Variants in PHACTR2 observed in about 807,000 individuals in gnomAD.
The protein encoded by PHACTR2 is phosphatase and actin regulator 2, also known as chromosome 6 open reading frame 56.
Under a neutral mutation model 76.0 loss-of-function variants are expected in PHACTR2, and 30 were observed. The ratio of observed to expected loss-of-function variants is 0.39; its 90% confidence interval spans 0.30 to 0.54. The LOEUF is 0.54. PHACTR2 is among the 20% of genes least tolerant of loss of function. PHACTR2 has a pLI of 0.61. For missense variants in PHACTR2, 696 were observed against 781.1 expected, an observed-to-expected ratio of 0.89 and a Z score of 1.30; for synonymous variants, 292 against 292.5, an observed-to-expected ratio of 1.00 and a Z score of 0.02.
rs1036270014 is a variant in PHACTR2, at chr6:143,688,386, A to G, written c.46+10177A>G. On this transcript the variant is annotated intron_variant, in intron 1 of 12. Coordinates refer to ENST00000440869, the MANE Select transcript of PHACTR2 (RefSeq NM_001100164.2). The surrounding 1 kb of genome is among the most constrained non-coding windows in gnomAD (Gnocchi z 5.2). ...GGAGTAGGGTCTCACCCAACTCTCA[A>G]CTCCCAGAGTTACCCAGTTTGTGTC... 5.9e-5 allele frequency among the ~76,000 whole-genome samples: 9 copies of G among 151,892 alleles called. No individual in the cohort carries two copies. Among genetic ancestry groups the G allele is most frequent in the African/African-American group, 2.2e-4 (9 of 41,356 alleles).
At chr6:143,563,485 G>T (rs1403805330) in intron 1 of PHACTR2, among the ~76,000 whole-genome samples, 1 of 146,760 alleles carries the variant, frequency 6.8e-6, no homozygotes, top group Non-Finnish European at 1.5e-5. Flanking sequence ...GAACCCGGGA[G>T]GTGGAGATTG....
rs188667507 is a variant in PHACTR2 at position 143,580,668 on chromosome 6, G to A, written c.217+43461G>A. 1.4e-4 allele frequency among the ~76,000 whole-genome samples: 21 copies of A among 152,198 alleles called. No homozygotes were observed. The highest frequency in any genetic ancestry group is 3.9e-4 in the East Asian group (2 of 5,184). ...AGCCTGGGTGACAGAGCAAGACTCCGTCTCAAAAAATAAAATAAAATAAAA... is the reference window on the plus strand; with the variant it reads ...AGCCTGGGTGACAGAGCAAGACTCCATCTCAAAAAATAAAATAAAATAAAA... On this transcript the variant is annotated intron_variant, in intron 1 of 11. Coordinates refer to the PHACTR2 transcript ENST00000367584. This position sits in a 1 kb window ranked among gnomAD's most constrained non-coding sequence, Gnocchi z 4.2.
At position 143,797,963 on chromosome 6, in the gene PHACTR2, C is replaced by A. The variant is rs183212908; in HGVS notation, c.1845+9053C>A. The stretch of plus-strand genomic sequence containing the variant: ...GTCAGTGGTAGCTGGATGGGGATAG[C>A]ATTGAATCTGTAAATTACTTTGGGC... On this transcript the variant is annotated intron_variant, in intron 11 of 12. Coordinates refer to ENST00000440869, the MANE Select transcript of PHACTR2 (RefSeq NM_001100164.2). Among the ~76,000 whole-genome samples, 245 of 152,318 alleles carry A rather than the reference C, an allele frequency of 1.6e-3. 1 individual carries two copies. Among genetic ancestry groups the A allele is most frequent in the Middle Eastern group, 3.4e-3 (1 of 294 alleles).
intron 1 of PHACTR2, among the ~76,000 whole-genome samples, chr6:143,693,358 C>T (rs183284104): frequency 6.2e-4 from 94 of 152,292 alleles, no homozygotes; most frequent in African/African-American, 1.9e-3. Flanking sequence ...CTGCCTCAGC[C>T]TCCCAAGTAG....
In PHACTR2 at chr6:143,742,105, CAAA is replaced by C. The variant is rs577806236; in HGVS notation, c.215-6870_215-6868del. ...GGGTGACAAGAGTGAAACTCCATCTCAAAAAAAAAAAACAACAACATTTATTTG... is the reference window on the plus strand; with the variant it reads ...GGGTGACAAGAGTGAAACTCCATCTCAAAAAAAAACAACAACATTTATTTG... On this transcript the variant is annotated intron_variant, in intron 2 of 12. Coordinates refer to ENST00000440869, the MANE Select transcript of PHACTR2 (RefSeq NM_001100164.2). This position sits in a 1 kb window ranked among gnomAD's most constrained non-coding sequence, Gnocchi z 4.5. Among the ~76,000 whole-genome samples the C allele has an allele frequency of 7.5e-6, 1 of 133,210 alleles. No individual in the cohort carries two copies. Among genetic ancestry groups the C allele is most frequent in the Admixed American group, 7.6e-5 (1 of 13,234 alleles). The allele number at this position is 133,210 out of a possible 152,430, so 87.4% of individuals were successfully genotyped here. A position where few individuals can be genotyped will look rare whatever the true frequency, so the allele number is the denominator to read the frequency against.
intron 12 of PHACTR2, among the ~76,000 whole-genome samples, chr6:143,808,811 A>G (rs1188665228): frequency 6.6e-6 from 1 of 152,198 alleles, no homozygotes; most frequent in Non-Finnish European, 1.5e-5. Flanking sequence ...TTATTCTATC[A>G]TAATCTACTC....
chr6:143,566,911 A>C (rs2128430923), intron 1 of PHACTR2, among the ~76,000 whole-genome samples: 1 of 151,984 alleles, frequency 6.6e-6, no homozygotes, highest in South Asian at 2.1e-4. Context: ...GTCAGCATTC[A>C]AATTTCCCCC....
Position 143,557,595 on chromosome 6 carries a change from A to T in PHACTR2, c.217+20388A>T, listed in dbSNP as rs1053010085. The T allele has an allele frequency of 1.3e-5, 2 of 152,278 alleles. No homozygotes were observed. The highest frequency in any genetic ancestry group is 4.8e-5 in the African/African-American group (2 of 41,450). 9.4% of individuals were successfully genotyped at this position (152,278 alleles called of 1,614,324 possible). The stretch of plus-strand genomic sequence containing the variant: ...CGATTTTTCGAGAACTGACCGGACC[A>T]TGTGGACCTGGTCCAGCTCTTCCAG... On this transcript the variant is annotated intron_variant, in intron 1 of 11. Coordinates refer to the PHACTR2 transcript ENST00000367584. The surrounding 1 kb of genome is among the most constrained non-coding windows in gnomAD (Gnocchi z 5.5).
rs1233403897 is a variant in PHACTR2 at position 143,548,304 on chromosome 6, A to C, written c.217+11097A>C. Reference sequence around the variant, plus strand: ...TTACCTCCCAAAGACTCCACCTCATAATACCATCATGTTAGGGGATAGGGT... The same window carrying C: ...TTACCTCCCAAAGACTCCACCTCATCATACCATCATGTTAGGGGATAGGGT... On this transcript the variant is annotated intron_variant, in intron 1 of 11. Coordinates refer to the PHACTR2 transcript ENST00000367584. The surrounding 1 kb of genome is among the most constrained non-coding windows in gnomAD (Gnocchi z 4.5). Among the ~76,000 whole-genome samples the C allele has an allele frequency of 6.6e-6, 1 of 152,088 alleles. No individual in the cohort carries two copies. Among genetic ancestry groups the C allele is most frequent in the Non-Finnish European group, 1.5e-5 (1 of 67,984 alleles).
chr6:143,588,732 C>A (rs575769328), intron 1 of PHACTR2, among the ~76,000 whole-genome samples: 6 of 151,866 alleles, frequency 4.0e-5, no homozygotes, highest in Admixed American at 1.3e-4. Flanking sequence ...GAGAAGAAAG[C>A]ACAAAAAACA....
intron 1 of PHACTR2, among the ~76,000 whole-genome samples, chr6:143,668,267 T>C (rs1777080581): frequency 6.6e-6 from 1 of 152,216 alleles, no homozygotes; most frequent in Non-Finnish European, 1.5e-5. Context: ...TGCTGCTGGA[T>C]TCGGTTTGCC....
chr6:143,693,792 T>A lies in PHACTR2; in HGVS notation c.46+15583T>A, dbSNP rs923714526. 1.4e-4 allele frequency among the ~76,000 whole-genome samples: 21 copies of A among 152,334 alleles called. 1 individual carries two copies. The South Asian group carries it at 2.5e-3, about 18-fold the overall frequency. On this transcript the variant is annotated intron_variant, in intron 1 of 12. Coordinates refer to ENST00000440869, the MANE Select transcript of PHACTR2 (RefSeq NM_001100164.2). Reference sequence around the variant, plus strand: ...AGCAATGGAAATTAACCAGTGTGACTAGGCAGTACACTTAGGAAGTAAAGC... The same window carrying A: ...AGCAATGGAAATTAACCAGTGTGACAAGGCAGTACACTTAGGAAGTAAAGC...
In PHACTR2 at chr6:143,803,215, C is replaced by T. The variant is rs890701993; in HGVS notation, c.1846-3842C>T. Among the ~76,000 whole-genome samples, 22 of 152,156 alleles carry T rather than the reference C, an allele frequency of 1.4e-4. No individual in the cohort carries two copies. The highest frequency in any genetic ancestry group is 5.3e-4 in the African/African-American group (22 of 41,428). Reference sequence around the variant, plus strand: ...TGATTTAATTTTACATAAACACGCTCTTTGAGGCTGAAGCAAATCTGACAG... The same window carrying T: ...TGATTTAATTTTACATAAACACGCTTTTTGAGGCTGAAGCAAATCTGACAG... On this transcript the variant is annotated intron_variant, in intron 11 of 12. Coordinates refer to ENST00000440869, the MANE Select transcript of PHACTR2 (RefSeq NM_001100164.2). This position sits in a 1 kb window ranked among gnomAD's most constrained non-coding sequence, Gnocchi z 4.7.
intron 1 of PHACTR2, among the ~76,000 whole-genome samples, chr6:143,705,515 C>G (rs181380094): frequency 6.6e-6 from 1 of 152,182 alleles, no homozygotes; most frequent in East Asian, 1.9e-4. Context: ...AAGATGGTCT[C>G]GATCTCCTGA....
intron 1 of PHACTR2, among the ~76,000 whole-genome samples, chr6:143,692,674 A>G (rs1402035373): frequency 2.0e-5 from 3 of 152,236 alleles, no homozygotes; most frequent in Non-Finnish European, 4.4e-5. Flanking sequence ...AAGCCATTAT[A>G]AAGTAATCAT....
chr6:143,786,353 C>T (rs1775557423), intron 10 of PHACTR2, among the ~76,000 whole-genome samples: 1 of 152,244 alleles, frequency 6.6e-6, no homozygotes, highest in Admixed American at 6.5e-5. Flanking sequence ...ACCACCTCAG[C>T]CTGGACCTTA....
rs900469308 is a variant in PHACTR2 at position 143,809,704 on chromosome 6, GTGTA to G, written c.1922+2575_1922+2578del. Among the ~76,000 whole-genome samples the G allele has an allele frequency of 2.0e-4, 27 of 137,448 alleles. No individual in the cohort carries two copies. The highest frequency in any genetic ancestry group is 3.7e-4 in the Non-Finnish European group (22 of 59,878). 90.2% of individuals were successfully genotyped at this position (137,448 alleles called of 152,430 possible). A position where few individuals can be genotyped will look rare whatever the true frequency, so the allele number is the denominator to read the frequency against. ...TGTTTTTCCATGCATTTATAAATGT[GTGTA>G]TGTGTGTATATATATATATATATTA... On this transcript the variant is annotated intron_variant, in intron 12 of 12. Coordinates refer to ENST00000440869, the MANE Select transcript of PHACTR2 (RefSeq NM_001100164.2). The surrounding 1 kb of genome is among the most constrained non-coding windows in gnomAD (Gnocchi z 4.2).
rs745777188 is a variant in PHACTR2, at chr6:143,618,911, T to C, written c.13+10589T>C. On this transcript the variant is annotated intron_variant, in intron 1 of 11. Coordinates refer to the PHACTR2 transcript ENST00000305766. The surrounding 1 kb of genome is among the most constrained non-coding windows in gnomAD (Gnocchi z 5.2). ...TCAAGAACAGGGCCACGTCTCCTTC[T>C]TGAGCCTTATACTAAGTACTGTACC... Among the ~76,000 whole-genome samples, 31 of 152,142 alleles carry C rather than the reference T, an allele frequency of 2.0e-4. No homozygotes were observed. Among genetic ancestry groups the C allele is most frequent in the Non-Finnish European group, 3.5e-4 (24 of 68,038 alleles).
chr6:143,592,576 G>A lies in PHACTR2; in HGVS notation c.217+55369G>A, dbSNP rs1371291563. On this transcript the variant is annotated intron_variant, in intron 1 of 11. Transcript: ENST00000367584. This position sits in a 1 kb window ranked among gnomAD's most constrained non-coding sequence, Gnocchi z 4.0. ...TGATTTGGTCACTCATCCTCTTTCC[G>A]GTCGTTTGTTTATGCTCTTTCCATT... Among the ~76,000 whole-genome samples, 1 of 151,998 alleles carries A rather than the reference G, an allele frequency of 6.6e-6. No individual in the cohort carries two copies. The highest frequency in any genetic ancestry group is 1.5e-5 in the Non-Finnish European group (1 of 67,990).
Sources: allele counts gnomAD v4.1 joint callset (sites outside exome capture counted in the v4.1 genomes callset), GRCh38; gene constraint gnomAD v4.1.1; non-coding constraint Gnocchi (gnomAD v3.1); transcripts MANE v1.5; gene names NCBI Gene and HGNC (gene_info 2026-07-23, HGNC 2026-07-21).